Variants in GUCY1A2 observed in about 807,000 individuals in gnomAD.
GUCY1A2 encodes the protein guanylate cyclase 1 soluble subunit alpha 2.
In GUCY1A2, 27 loss-of-function variants were observed where a neutral mutation model predicts 63.5. The observed-to-expected ratio is 0.43, with a 90% CI of 0.31 to 0.59. GUCY1A2 has a LOEUF of 0.59. Ranked by LOEUF, GUCY1A2 falls within the 20% of genes least tolerant of loss-of-function variation. The pLI, the probability that GUCY1A2 is intolerant of heterozygous loss-of-function variation, is 0.11. For missense variants in GUCY1A2, 768 were observed against 913.3 expected, an observed-to-expected ratio of 0.84 and a Z score of 2.05; for synonymous variants, 364 against 343.5, an observed-to-expected ratio of 1.06 and a Z score of -0.66.
intron 7 of GUCY1A2, among the ~76,000 whole-genome samples, chr11:106,696,102 G>T (rs563231913): frequency 3.9e-5 from 6 of 152,210 alleles, no homozygotes; most frequent in Non-Finnish European, 8.8e-5. Context: ...CATCTTCTGG[G>T]ATGTTCCTAT....
chr11:106,922,209 C>G (rs944149187), intron 4 of GUCY1A2, among the ~76,000 whole-genome samples: 2 of 152,064 alleles, frequency 1.3e-5, no homozygotes, highest in African/African-American at 4.8e-5. Context: ...GTGTGGATGA[C>G]AAATACCTGC....
chr11:106,841,611 T>C (rs937544875), intron 4 of GUCY1A2, among the ~76,000 whole-genome samples: 2 of 151,946 alleles, frequency 1.3e-5, no homozygotes, highest in Non-Finnish European at 2.9e-5. Flanking sequence ...CCATGTTTTA[T>C]ACTTGAGTGT....
intron 4 of GUCY1A2, among the ~76,000 whole-genome samples, chr11:106,852,413 C>A (rs536711712): frequency 6.6e-6 from 1 of 152,208 alleles, no homozygotes; most frequent in East Asian, 1.9e-4. Flanking sequence ...AGGCTTTCAG[C>A]TTTTCCCGAT....
chr11:106,787,536 A>C (rs1431554904), intron 5 of GUCY1A2, among the ~76,000 whole-genome samples: 1 of 130,776 alleles, frequency 7.6e-6, no homozygotes, highest in Non-Finnish European at 1.6e-5. Context: ...GGGAGAGAGA[A>C]AGAGAGAAAG....
At chr11:106,962,222 A>G (rs141918719) in intron 3 of GUCY1A2, among the ~76,000 whole-genome samples, 139 of 152,236 alleles carry the variant, frequency 9.1e-4, no homozygotes, top group Non-Finnish European at 1.5e-3. Context: ...TTTGTTCCCA[A>G]AGGATCAGGA....
chr11:106,841,465 A>G (rs952801143), intron 4 of GUCY1A2, among the ~76,000 whole-genome samples: 3 of 152,030 alleles, frequency 2.0e-5, no homozygotes, highest in Non-Finnish European at 2.9e-5. Context: ...ACTTAAAGAC[A>G]TTGCCTGGTA....
chr11:106,937,941 A>AT (rs1258605186), intron 4 of GUCY1A2, among the ~76,000 whole-genome samples: 2 of 151,934 alleles, frequency 1.3e-5, no homozygotes, highest in South Asian at 2.1e-4. Flanking sequence ...TCATTCTCAA[A>AT]TAATTTTTTT....
intron 1 of GUCY1A2, among the ~76,000 whole-genome samples, chr11:107,012,368 G>T (rs963821458): frequency 2.0e-5 from 3 of 150,752 alleles, no homozygotes; most frequent in African/African-American, 7.3e-5. Flanking sequence ...GAAAAATTTA[G>T]ATCACTTTGA....
chr11:106,841,020 A>C (rs1056700246), intron 4 of GUCY1A2, among the ~76,000 whole-genome samples: 1 of 151,946 alleles, frequency 6.6e-6, no homozygotes, highest in East Asian at 1.9e-4. Flanking sequence ...AGAATATTTT[A>C]ATACCTTTCT....
chr11:106,809,940 A>C, intron 5 of GUCY1A2, 53 bp downstream of exon 5: 1 of 1,176,456 alleles, frequency 8.5e-7, no homozygotes, highest in Non-Finnish European at 1.2e-6. Context: ...TTTAATTCAC[A>C]TGACAATTTA....
intron 4 of GUCY1A2, among the ~76,000 whole-genome samples, chr11:106,863,252 C>A (rs1346636970): frequency 6.6e-6 from 1 of 152,068 alleles, no homozygotes; most frequent in Non-Finnish European, 1.5e-5. Flanking sequence ...AGGTTTTCTT[C>A]TATGGTTTTT....
At chr11:106,718,946 C>T (rs149512865) in intron 6 of GUCY1A2, among the ~76,000 whole-genome samples, 2,694 of 152,126 alleles carry the variant, frequency 0.018, 50 homozygotes, top group Middle Eastern at 0.051. Context: ...AATTGGAAAC[C>T]TTTCTCTGAC....
intron 7 of GUCY1A2, among the ~76,000 whole-genome samples, chr11:106,693,058 C>T (rs976223299): frequency 3.9e-5 from 6 of 152,184 alleles, no homozygotes; most frequent in Admixed American, 2.0e-4. Flanking sequence ...GAGTGACATT[C>T]TCAGAATGCT....
rs531484639 is a variant in GUCY1A2 at position 106,754,146 on chromosome 11, GCTCT to G, written c.1836+22289_1836+22292del. On this transcript the variant is annotated intron_variant, in intron 6 of 7. Coordinates refer to ENST00000526355, the MANE Select transcript of GUCY1A2 (RefSeq NM_000855.3). ...TGAATGGGAGTTCACTCATGATTTGGCTCTCTGTTTGTCTATTATTGGTGTATAG... is the reference window on the plus strand; with the variant it reads ...TGAATGGGAGTTCACTCATGATTTGGCTGTTTGTCTATTATTGGTGTATAG... Among the ~76,000 whole-genome samples, 159 of 152,050 alleles carry G rather than the reference GCTCT, an allele frequency of 1.0e-3. 1 individual carries two copies. Among genetic ancestry groups the G allele is most frequent in the African/African-American group, 3.7e-3 (154 of 41,440 alleles).
chr11:106,870,314 C>T (rs2135463856), intron 4 of GUCY1A2, among the ~76,000 whole-genome samples: 1 of 151,984 alleles, frequency 6.6e-6, no homozygotes, highest in African/African-American at 2.4e-5. Context: ...TTTCAGCAAA[C>T]ATTTACATTC....
Position 106,941,595 on chromosome 11 carries a change from G to A in GUCY1A2, c.488-1417C>T, listed in dbSNP as rs555383594. ...GGGAAAAGAAGGTCACTTTGCTAGCGCCCCATTAGAGTGCAGAGCAATCTA... is the reference window on the plus strand; with the variant it reads ...GGGAAAAGAAGGTCACTTTGCTAGCACCCCATTAGAGTGCAGAGCAATCTA... On this transcript the variant is annotated intron_variant, in intron 3 of 7. Coordinates refer to ENST00000526355, the MANE Select transcript of GUCY1A2 (RefSeq NM_000855.3). Among the ~76,000 whole-genome samples, 7 of 152,284 alleles carry A rather than the reference G, an allele frequency of 4.6e-5. 1 individual carries two copies. Among genetic ancestry groups the A allele is most frequent in the East Asian group, 1.9e-4 (1 of 5,182 alleles).
chr11:106,785,260 T>C (rs1344518688), intron 5 of GUCY1A2, among the ~76,000 whole-genome samples: 4 of 152,102 alleles, frequency 2.6e-5, no homozygotes, highest in African/African-American at 9.7e-5. Context: ...AGAAAAACCG[T>C]TTCCACTTCA....
At chr11:106,903,635 A>G (rs1860164580) in intron 4 of GUCY1A2, among the ~76,000 whole-genome samples, 1 of 152,184 alleles carries the variant, frequency 6.6e-6, no homozygotes, top group Non-Finnish European at 1.5e-5. Context: ...ACAGAGAGTC[A>G]TGCTTTTTAA....
At chr11:106,938,601 T>G (rs1331772491) in intron 4 of GUCY1A2, among the ~76,000 whole-genome samples, 1 of 152,182 alleles carries the variant, frequency 6.6e-6, no homozygotes, top group Non-Finnish European at 1.5e-5. Flanking sequence ...TACAAATTTC[T>G]GTCCTGGAAA....
Sources: gnomAD v4.1 joint callset for allele counts (sites outside exome capture counted in the v4.1 genomes callset) on GRCh38, gnomAD v4.1.1 for gene constraint, MANE v1.5 for transcripts, NCBI Gene and HGNC (gene_info 2026-07-23, HGNC 2026-07-21) for gene names.